The following TFAP2D variants were observed in gnomAD, a reference collection of about 807,000 sequenced individuals.
TFAP2D encodes transcription factor AP-2 delta, also known as transcription factor AP-2-delta.
In TFAP2D, 9 loss-of-function variants were observed where a neutral mutation model predicts 43.6. The ratio of observed to expected loss-of-function variants is 0.21; its 90% CI spans 0.12 to 0.36. The LOEUF is 0.36. Among genes scored for constraint, TFAP2D ranks in the 10% least tolerant of loss-of-function variants. TFAP2D has a pLI of 1.00. For synonymous variants in TFAP2D, 256 were observed against 224.9 expected, an observed-to-expected ratio of 1.14 and a Z score of -1.24; for missense variants, 513 against 561.4, an observed-to-expected ratio of 0.91 and a Z score of 0.87.
intron 3 of TFAP2D, among the ~76,000 whole-genome samples, chr6:50,727,958 G>T (rs1035546462): frequency 6.6e-6 from 1 of 152,044 alleles, no homozygotes; most frequent in Non-Finnish European, 1.5e-5. Context: ...AGTTATTGTC[G>T]ACTGCCTGAG....
In TFAP2D at chr6:50,772,759, C is replaced by A. The variant is rs550127521; in HGVS notation, c.1254C>A (p.Gly418=). The A allele has an allele frequency of 1.2e-6, 2 of 1,614,082 alleles. No homozygotes were observed. Among genetic ancestry groups the A allele is most frequent in the East Asian group, 4.5e-5 (2 of 44,874 alleles). Residue 418 remains glycine, a synonymous_variant, in exon 8 of 8, where the codon GGC becomes GGA. Transcript: ENST00000008391. ...YLEKHTTHKN[G]GAADSGQGHA... is the part of the protein sequence containing the mutation. ...AAAAACACACTACTCACAAGAACGG[C>A]GGAGCGGCGGATTCTGGCCAAGGAC...
chr6:50,751,640 G>A (rs1769202246), intron 7 of TFAP2D, among the ~76,000 whole-genome samples: 1 of 151,752 alleles, frequency 6.6e-6, no homozygotes, highest in Non-Finnish European at 1.5e-5. Flanking sequence ...AGATCCCCTG[G>A]GCTCTTTTAT....
chr6:50,743,768 G>C (rs1769086482), intron 5 of TFAP2D, among the ~76,000 whole-genome samples: 1 of 151,576 alleles, frequency 6.6e-6, no homozygotes, highest in South Asian at 2.1e-4. Context: ...ATTTTTTCCT[G>C]GTACTTGTAA....
intron 3 of TFAP2D, among the ~76,000 whole-genome samples, chr6:50,719,647 G>A (rs1013321187): frequency 2.0e-5 from 3 of 152,174 alleles, no homozygotes; most frequent in East Asian, 1.9e-4. Context: ...TCTGTGAAAG[G>A]CTAGATCATT....
chr6:50,717,866 A>G (rs1768653200), intron 2 of TFAP2D, among the ~76,000 whole-genome samples: 1 of 152,176 alleles, frequency 6.6e-6, no homozygotes, highest in Non-Finnish European at 1.5e-5. Flanking sequence ...CTCTCCTTTT[A>G]TTTCTTCCTT....
At chr6:50,752,104 A>T (rs1769208305) in intron 7 of TFAP2D, among the ~76,000 whole-genome samples, 1 of 151,922 alleles carries the variant, frequency 6.6e-6, no homozygotes, top group African/African-American at 2.4e-5. Flanking sequence ...TGCAATTAGA[A>T]ACTGCAAATG....
chr6:50,740,463 T>C (rs1410777666), intron 5 of TFAP2D, among the ~76,000 whole-genome samples: 1 of 152,182 alleles, frequency 6.6e-6, no homozygotes, highest in Non-Finnish European at 1.5e-5. Context: ...AGATGTAGTC[T>C]CACTTTGTCG....
chr6:50,743,557 A>G (rs1382072369), intron 5 of TFAP2D, among the ~76,000 whole-genome samples: 2 of 151,788 alleles, frequency 1.3e-5, no homozygotes, highest in Non-Finnish European at 2.9e-5. Context: ...TAATTTTTAA[A>G]TTTTTGTAGA....
At chr6:50,719,752 G>T (rs1226168268) in intron 3 of TFAP2D, among the ~76,000 whole-genome samples, 1 of 152,156 alleles carries the variant, frequency 6.6e-6, no homozygotes, top group East Asian at 1.9e-4. Context: ...GAAGGTGGGA[G>T]GAGGAGGTGG....
chr6:50,733,293 T>C (rs1451928911), intron 5 of TFAP2D, among the ~76,000 whole-genome samples: 2 of 152,108 alleles, frequency 1.3e-5, no homozygotes, highest in Non-Finnish European at 2.9e-5. Context: ...ATCTAAGTGG[T>C]TTAAATCTAT....
intron 5 of TFAP2D, among the ~76,000 whole-genome samples, chr6:50,737,087 C>T (rs1041209453): frequency 2.6e-5 from 4 of 152,032 alleles, no homozygotes. Flanking sequence ...CTCAAGGGGT[C>T]TTCCTGCCTC....
In TFAP2D at chr6:50,736,706, G is replaced by A. The variant is rs187659569; in HGVS notation, c.883+7394G>A. On this transcript the variant is annotated intron_variant, in intron 5 of 7. Transcript: ENST00000008391. The stretch of plus-strand genomic sequence containing the variant: ...AGAAGGAATAGGATACTATATATAC[G>A]TCACTGTGTTTGACTATGTGCTTGG... Among the ~76,000 whole-genome samples, 55 of 152,156 alleles carry A rather than the reference G, an allele frequency of 3.6e-4. No individual in the cohort carries two copies. The East Asian group carries it at 9.1e-3, about 25-fold the overall frequency.
At chr6:50,729,651 T>A (rs969754341) in intron 5 of TFAP2D, among the ~76,000 whole-genome samples, 5 of 152,142 alleles carry the variant, frequency 3.3e-5, no homozygotes. Flanking sequence ...TTTAAGTGAA[T>A]CTAACTTAAC....
At chr6:50,718,061 A>G (rs1241046210) in intron 2 of TFAP2D, 2 of 152,166 alleles carry the variant, frequency 1.3e-5, no homozygotes, top group African/African-American at 4.8e-5. Flanking sequence ...TGCTATGGCC[A>G]ACAAAGGAAA....
chr6:50,772,631 CT>C lies in TFAP2D; in HGVS notation c.1140-12del. 1 of 1,609,970 alleles carries C rather than the reference CT, an allele frequency of 6.2e-7. No homozygotes were observed. Among genetic ancestry groups the C allele is most frequent in the Non-Finnish European group, 8.5e-7 (1 of 1,177,506 alleles). On this transcript the variant is annotated splice_polypyrimidine_tract_variant and intron_variant, in intron 7 of 7. Coordinates refer to ENST00000008391, the MANE Select transcript of TFAP2D (RefSeq NM_172238.4). The stretch of plus-strand genomic sequence containing the variant: ...ATCATTCACCTCTTTTTTCCTATCA[CT>C]TCTCATTTCCAGTTTGATCACTCAT...
rs1561943684 is a variant in TFAP2D at position 50,772,683 on chromosome 6, C to A, written c.1178C>A (p.Ala393Glu). The A allele has an allele frequency of 6.2e-7, 1 of 1,614,072 alleles. No homozygotes were observed. Residue 393 changes from alanine (A) to glutamate (E), a missense_variant, in exon 8 of 8, where the codon GCA (alanine) becomes GAA (glutamate). Physicochemically the swap from Ala to Glu is moderately radical, Grantham distance 107. Transcript: ENST00000008391. Reference protein sequence around the residue: ...THGFGTPAICAALSTFQTVLS... With the variant: ...THGFGTPAICEALSTFQTVLS... The stretch of plus-strand genomic sequence containing the variant: ...GGCTTTGGGACTCCGGCAATATGTG[C>A]AGCTCTAAGCACTTTCCAAACAGTT...
chr6:50,715,067 G>T, intron 1 of TFAP2D, 49 bp from the exon 2 acceptor site: 1 of 1,580,538 alleles, frequency 6.3e-7, no homozygotes, highest in South Asian at 1.1e-5. Context: ...GTTGCAAAAT[G>T]ACAAACCTCA....
In TFAP2D at chr6:50,715,732, CT is replaced by C. The variant is rs1331670950; in HGVS notation, c.537+120del. The C allele has an allele frequency of 1.3e-5, 9 of 677,818 alleles. No homozygotes were observed. In the African/African-American group the frequency reaches 1.6e-4, roughly 12 times the overall value. The allele number at this position is 677,818 out of a possible 1,614,324, so 42.0% of individuals were successfully genotyped here. A position where few individuals can be genotyped will look rare whatever the true frequency, so the allele number is the denominator to read the frequency against. On this transcript the variant is annotated intron_variant, in intron 2 of 7. Transcript: ENST00000008391. ...TCTCTCTCTCTTCTCCTCTCTCTCT[CT>C]CTCTCTCTCTCTCTCTCACACACAC... is the stretch of plus-strand genomic sequence containing the variant.
intron 5 of TFAP2D, among the ~76,000 whole-genome samples, chr6:50,733,819 C>T (rs1768926529): frequency 6.6e-6 from 1 of 152,062 alleles, no homozygotes; most frequent in Non-Finnish European, 1.5e-5. Flanking sequence ...GAGTGGTGTG[C>T]TTCCTGGGAC....
Sources: gnomAD v4.1 joint callset for allele counts (sites outside exome capture counted in the v4.1 genomes callset) on GRCh38, gnomAD v4.1.1 for gene constraint, MANE v1.5 for transcripts, NCBI Gene and HGNC (gene_info 2026-07-23, HGNC 2026-07-21) for gene names.